The following SLC25A42 variants were observed in gnomAD, a reference collection of about 807,000 sequenced individuals.
SLC25A42 encodes the protein mitochondrial coenzyme A transporter SLC25A42.
SLC25A42 carries 19 observed loss-of-function variants against 34.7 expected under a neutral mutation model. The ratio of observed to expected loss-of-function variants is 0.55; its 90% confidence interval spans 0.38 to 0.80. SLC25A42 has a LOEUF of 0.80. Ranked by LOEUF, SLC25A42 falls within the 30% of genes least tolerant of loss-of-function variation. SLC25A42 has a pLI of 0.00. For synonymous variants in SLC25A42, 205 were observed against 191.2 expected (o/e 1.07, Z -0.59); for missense variants, 364 against 441.3 (o/e 0.82, Z 1.57).
chr19:19,083,144 G>A (rs2059689647), intron 1 of SLC25A42, among the ~76,000 whole-genome samples: 1 of 152,022 alleles, frequency 6.6e-6, no homozygotes, highest in Admixed American at 6.6e-5. Context: ...TACAAAATGA[G>A]ATTTCACTAT....
intron 4 of SLC25A42, 95 bp downstream of exon 4, chr19:19,105,033 G>A: frequency 6.9e-7 from 1 of 1,447,132 alleles, no homozygotes; most frequent in South Asian, 1.2e-5. Flanking sequence ...AGAGTCTCAG[G>A]GGTGGGGACA....
intron 1 of SLC25A42, among the ~76,000 whole-genome samples, chr19:19,090,336 G>A (rs1482410678): frequency 6.6e-6 from 1 of 152,062 alleles, no homozygotes; most frequent in African/African-American, 2.4e-5. Flanking sequence ...CTCATCTTAG[G>A]TTCATGGCTG....
intron 1 of SLC25A42, among the ~76,000 whole-genome samples, chr19:19,076,645 T>C (rs1216888135): frequency 2.0e-5 from 3 of 152,086 alleles, no homozygotes; most frequent in African/African-American, 7.2e-5. Flanking sequence ...GTGGCAGAGG[T>C]GTTTTGTTTG....
In SLC25A42 at chr19:19,096,193, C is replaced by T. The variant is rs527498038; in HGVS notation, c.69C>T (p.Ser23=). The change falls in exon 2 of 8, where the codon TCC becomes TCT. Residue 23 remains serine (S), a synonymous_variant. Transcript: ENST00000318596. ...ATGCTGAGGCTGTCCTGTCCTCGTC[C>T]GTCTCATCAAAGGCAAGTACCCCGG... is the stretch of plus-strand genomic sequence containing the variant. ...HEDAEAVLSS[S]VSSKRDHRQV... 17 of 1,611,844 alleles carry T rather than the reference C, an allele frequency of 1.1e-5. No homozygotes were observed. Among genetic ancestry groups the T allele is most frequent in the African/African-American group, 9.5e-5 (7 of 73,478 alleles).
At chr19:19,107,865 C>G in intron 6 of SLC25A42, 29 bp from the exon 7 acceptor site, 1 of 1,612,984 alleles carries the variant, frequency 6.2e-7, no homozygotes, top group South Asian at 1.1e-5. Context: ...GGCCTGAGTC[C>G]CACCTGCTGG....
chr19:19,090,237 C>T (rs538266844), intron 1 of SLC25A42, among the ~76,000 whole-genome samples: 2 of 152,144 alleles, frequency 1.3e-5, no homozygotes, highest in African/African-American at 4.8e-5. Context: ...TCTTGAAAGT[C>T]ACAGCCAGGT....
At position 19,106,360 on chromosome 19, in the gene SLC25A42, C is replaced by CGGAT; in HGVS notation, c.475_478dup (p.Ala160AspfsTer51). The CGGAT allele has an allele frequency of 6.2e-7, 1 of 1,613,300 alleles. No homozygotes were observed. ...CTACCCCCTGGACCTGGTCAGAGCG[C>CGGAT]GGATGGCCGTAACCCCGAAGGAAAT... On this transcript the variant is annotated frameshift_variant, in exon 6 of 8. Transcript: ENST00000318596. LOFTEE classifies it high-confidence loss of function.
intron 7 of SLC25A42, among the ~76,000 whole-genome samples, chr19:19,108,778 C>G (rs2059847968): frequency 6.6e-6 from 1 of 152,066 alleles, no homozygotes; most frequent in African/African-American, 2.4e-5. Flanking sequence ...ACATTTGCTC[C>G]CAGATATTTT....
At chr19:19,068,237 C>G (rs2059612013) in intron 1 of SLC25A42, among the ~76,000 whole-genome samples, 1 of 151,742 alleles carries the variant, frequency 6.6e-6, no homozygotes, top group Non-Finnish European at 1.5e-5. Context: ...CGCCTGTAAT[C>G]CTAGCTACTC....
intron 1 of SLC25A42, among the ~76,000 whole-genome samples, chr19:19,095,491 T>TA (rs1412393898): frequency 3.4e-4 from 52 of 152,170 alleles, no homozygotes; most frequent in African/African-American, 1.2e-3. Flanking sequence ...CAGGCGCCTG[T>TA]AGTCCCAGCT....
At position 19,070,444 on chromosome 19, in the gene SLC25A42, CG is replaced by C. The variant is rs2059624090; in HGVS notation, c.-35+6330del. 2.0e-5 allele frequency among the ~76,000 whole-genome samples: 3 copies of C among 151,806 alleles called. No individual in the cohort carries two copies. In the South Asian group the frequency reaches 6.2e-4, roughly 32 times the overall value. ...TCCCAAGTAGCTAGGATTACAGGTGCGCACCACCGCATCCAGCTAATTTTTG... is the reference window on the plus strand; with the variant it reads ...TCCCAAGTAGCTAGGATTACAGGTGCCACCACCGCATCCAGCTAATTTTTG... On this transcript the variant is annotated intron_variant, in intron 1 of 7. Transcript: ENST00000318596.
At chr19:19,108,363 C>G (rs190894866) in intron 7 of SLC25A42, among the ~76,000 whole-genome samples, 2 of 152,256 alleles carry the variant, frequency 1.3e-5, no homozygotes, top group East Asian at 3.9e-4. Context: ...CCAGCCTGGG[C>G]AACATGGCGA....
chr19:19,101,946 T>C (rs1186522373), intron 3 of SLC25A42, 60 bp downstream of exon 3: 18 of 1,134,762 alleles, frequency 1.6e-5, no homozygotes, highest in Non-Finnish European at 2.3e-5. Flanking sequence ...TCCTCCTTCA[T>C]GGCCCCCAAA....
At chr19:19,101,346 A>G (rs1201572637) in intron 2 of SLC25A42, among the ~76,000 whole-genome samples, 1 of 152,138 alleles carries the variant, frequency 6.6e-6, no homozygotes, top group Non-Finnish European at 1.5e-5. Flanking sequence ...ACGCTGACAC[A>G]GAGTCAGGGT....
intron 1 of SLC25A42, among the ~76,000 whole-genome samples, chr19:19,068,060 A>AT (rs1250727042): frequency 6.6e-6 from 1 of 152,222 alleles, no homozygotes; most frequent in East Asian, 1.9e-4. Flanking sequence ...ATACTTCTTC[A>AT]TAAAAAGTAT....
At chr19:19,089,042 A>C (rs1252868071) in intron 1 of SLC25A42, among the ~76,000 whole-genome samples, 1 of 145,424 alleles carries the variant, frequency 6.9e-6, no homozygotes, top group East Asian at 2.2e-4. Flanking sequence ...TCCTGGCCTC[A>C]AGCGATCTGC....
chr19:19,074,829 G>C (rs16995885), intron 1 of SLC25A42, among the ~76,000 whole-genome samples: 5,503 of 152,002 alleles, frequency 0.036, 396 homozygotes, highest in East Asian at 0.33. Context: ...AGGATGCTTG[G>C]GTTTGAAATT....
chr19:19,077,043 G>A (rs974531702), intron 1 of SLC25A42, among the ~76,000 whole-genome samples: 8 of 152,034 alleles, frequency 5.3e-5, no homozygotes, highest in South Asian at 2.1e-4. Context: ...ATTTAGCTGC[G>A]CATGGTGGCC....
chr19:19,072,082 G>A (rs2059633501), intron 1 of SLC25A42, among the ~76,000 whole-genome samples: 1 of 152,064 alleles, frequency 6.6e-6, no homozygotes, highest in Non-Finnish European at 1.5e-5. Context: ...CCAATTCCTG[G>A]GCTCGAGCTG....
Sources: allele counts gnomAD v4.1 joint callset (sites outside exome capture counted in the v4.1 genomes callset), GRCh38; gene constraint gnomAD v4.1.1; transcripts MANE v1.5; gene names NCBI Gene and HGNC (gene_info 2026-07-23, HGNC 2026-07-21).